The following BTRC variants were observed in gnomAD, a reference collection of about 807,000 sequenced individuals.
BTRC encodes beta-transducin repeat containing E3 ubiquitin protein ligase.
In BTRC, 42 loss-of-function variants were observed where a neutral mutation model predicts 85.5. The observed-to-expected ratio is 0.49, with a 90% CI of 0.38 to 0.64. The LOEUF (loss-of-function observed/expected upper bound fraction) is 0.64. Ranked by LOEUF, BTRC falls within the 30% of genes least tolerant of loss-of-function variation. The pLI is 0.00. For missense variants in BTRC, 594 were observed against 743.5 expected, an observed-to-expected ratio of 0.80 and a Z score of 2.34; for synonymous variants, 255 against 263.3, an observed-to-expected ratio of 0.97 and a Z score of 0.30.
At chr10:101,417,356 C>T (rs916432454) in intron 1 of BTRC, among the ~76,000 whole-genome samples, 25 of 152,264 alleles carry the variant, frequency 1.6e-4, no homozygotes, top group African/African-American at 4.6e-4. Flanking sequence ...GAGGATTACA[C>T]GCCAGTATCT....
chr10:101,430,109 G>A (rs1944363959), intron 1 of BTRC, among the ~76,000 whole-genome samples: 1 of 152,140 alleles, frequency 6.6e-6, no homozygotes, highest in Non-Finnish European at 1.5e-5. Context: ...TTGACTAAAT[G>A]TTTGGTTTTT....
At chr10:101,366,976 T>TTTATA (rs1564730638) in intron 1 of BTRC, among the ~76,000 whole-genome samples, 1 of 58,792 alleles carries the variant, frequency 1.7e-5, no homozygotes, top group Admixed American at 3.3e-4. Flanking sequence ...AAATATATAT[T>TTTATA]TATATATTTA....
At chr10:101,492,280 A>C (rs1002519678) in intron 4 of BTRC, among the ~76,000 whole-genome samples, 3 of 152,226 alleles carry the variant, frequency 2.0e-5, no homozygotes, top group Admixed American at 2.0e-4. Flanking sequence ...GCAAGCCAAA[A>C]GGGAAATATA....
chr10:101,527,789 C>CACA (rs1564827292), intron 6 of BTRC, among the ~76,000 whole-genome samples: 5 of 139,088 alleles, frequency 3.6e-5, no homozygotes, highest in African/African-American at 7.9e-5. Context: ...CTCTCTCTCT[C>CACA]TCACATACAC....
intron 6 of BTRC, among the ~76,000 whole-genome samples, chr10:101,530,960 G>T (rs1025828930): frequency 6.6e-6 from 1 of 152,134 alleles, no homozygotes; most frequent in African/African-American, 2.4e-5. Context: ...GTCATTTGAG[G>T]CCAGGAGTTC....
At chr10:101,473,397 C>G (rs1246337309) in intron 3 of BTRC, among the ~76,000 whole-genome samples, 2 of 151,644 alleles carry the variant, frequency 1.3e-5, no homozygotes, top group African/African-American at 2.4e-5. Context: ...CAACCGCCCA[C>G]CCCAGCCTCC....
intron 5 of BTRC, among the ~76,000 whole-genome samples, chr10:101,522,386 A>C (rs1307125545): frequency 7.3e-6 from 1 of 137,440 alleles, no homozygotes; most frequent in Non-Finnish European, 1.6e-5. Flanking sequence ...ACAAAAAAAA[A>C]AAAACTCTAG....
chr10:101,411,214 G>A (rs945960005), intron 1 of BTRC, among the ~76,000 whole-genome samples: 2 of 151,816 alleles, frequency 1.3e-5, no homozygotes, highest in Non-Finnish European at 2.9e-5. Context: ...GGCTGGTCTC[G>A]AACTCCTGAC....
rs34955428 is a variant in BTRC, at chr10:101,438,422, C to CAAAAAAAAAAAA, written c.156+7987_156+7998dup. Among the ~76,000 whole-genome samples, 6 of 57,776 alleles carry CAAAAAAAAAAAA rather than the reference C, an allele frequency of 1.0e-4. 2 individuals are homozygous for CAAAAAAAAAAAA. The highest frequency in any genetic ancestry group is 4.6e-4 in the African/African-American group (6 of 12,976). The allele number at this position is 57,776 out of a possible 152,430, so 37.9% of individuals were successfully genotyped here. On this transcript the variant is annotated intron_variant, in intron 2 of 14. Coordinates refer to ENST00000370187, the MANE Select transcript of BTRC (RefSeq NM_033637.4). The stretch of plus-strand genomic sequence containing the variant: ...CCTGGGCGACAGAGCGAGACTGCCT[C>CAAAAAAAAAAAA]AAAAAAAAAAAAAAAAAAAAAAAAA...
At chr10:101,530,653 T>C (rs1000871115) in intron 6 of BTRC, among the ~76,000 whole-genome samples, 2 of 152,208 alleles carry the variant, frequency 1.3e-5, no homozygotes, top group East Asian at 1.9e-4. Flanking sequence ...TTTACTGATA[T>C]TATAATATTC....
At chr10:101,493,160 A>G (rs1022494630) in intron 4 of BTRC, among the ~76,000 whole-genome samples, 1 of 152,180 alleles carries the variant, frequency 6.6e-6, no homozygotes, top group African/African-American at 2.4e-5. Flanking sequence ...TAGAGTTTGT[A>G]TAGGATTTAT....
intron 1 of BTRC, among the ~76,000 whole-genome samples, chr10:101,413,623 T>C (rs1253544337): frequency 2.0e-5 from 3 of 152,156 alleles, no homozygotes; most frequent in African/African-American, 7.2e-5. Flanking sequence ...CTGAGGGAAG[T>C]GGTTTTGATG....
At chr10:101,508,012 A>C (rs1946586008) in intron 4 of BTRC, among the ~76,000 whole-genome samples, 1 of 152,174 alleles carries the variant, frequency 6.6e-6, no homozygotes, top group Non-Finnish European at 1.5e-5. Context: ...ATCACCCTGG[A>C]AGCTATAAAG....
At chr10:101,457,455 A>C (rs1295513878) in intron 2 of BTRC, among the ~76,000 whole-genome samples, 1 of 152,232 alleles carries the variant, frequency 6.6e-6, no homozygotes, top group Non-Finnish European at 1.5e-5. Context: ...GGACAGAGCT[A>C]CCAGAAAGGT....
At chr10:101,490,044 T>C (rs1373087491) in intron 4 of BTRC, among the ~76,000 whole-genome samples, 1 of 152,184 alleles carries the variant, frequency 6.6e-6, no homozygotes, top group East Asian at 1.9e-4. Flanking sequence ...TTCTTATGCA[T>C]GGGACCAGTT....
chr10:101,361,389 T>TG (rs1419124197), intron 1 of BTRC, among the ~76,000 whole-genome samples: 1 of 152,200 alleles, frequency 6.6e-6, no homozygotes, highest in Non-Finnish European at 1.5e-5. Flanking sequence ...TACAGGCATG[T>TG]GCCACCGCAC....
chr10:101,452,565 G>A (rs1169310542), intron 2 of BTRC, among the ~76,000 whole-genome samples: 1 of 152,190 alleles, frequency 6.6e-6, no homozygotes, highest in African/African-American at 2.4e-5. Context: ...GATTAGTGTC[G>A]GACAGTGTGG....
intron 1 of BTRC, 66 bp downstream of exon 1, chr10:101,354,294 C>T: frequency 6.5e-7 from 1 of 1,527,432 alleles, no homozygotes; most frequent in South Asian, 1.2e-5. Context: ...CTGGCCTGGG[C>T]CGCCCGCCCA....
At chr10:101,551,015 G>A (rs1388104416) in intron 14 of BTRC, 124 bp downstream of exon 14, 1 of 887,196 alleles carries the variant, frequency 1.1e-6, no homozygotes, top group Non-Finnish European at 1.7e-6. Flanking sequence ...AGCCGAGGAA[G>A]CAGACAATGT....
Sources: allele counts gnomAD v4.1 joint callset (sites outside exome capture counted in the v4.1 genomes callset), GRCh38; gene constraint gnomAD v4.1.1; transcripts MANE v1.5; gene names NCBI Gene and HGNC (gene_info 2026-07-23, HGNC 2026-07-21).